The following DNAH9 variants were observed in gnomAD, a reference collection of about 807,000 sequenced individuals.
DNAH9 encodes dynein axonemal heavy chain 9.
In DNAH9, 345 loss-of-function variants were observed where a neutral mutation model predicts 471.6. That is an observed-to-expected ratio of 0.73 (90% CI 0.67 to 0.80). The LOEUF is 0.80. Ranked by LOEUF, DNAH9 falls within the 30% of genes least tolerant of loss-of-function variation. DNAH9 has a pLI of 0.00. For synonymous variants in DNAH9, 2,093 were observed against 2,123.6 expected (o/e 0.99, Z 0.40); for missense variants, 5,407 against 5,609.2 (o/e 0.96, Z 1.15).
intron 45 of DNAH9, among the ~76,000 whole-genome samples, chr17:11,815,818 A>G (rs954263952): frequency 2.0e-5 from 3 of 152,136 alleles, no homozygotes; most frequent in African/African-American, 7.2e-5. Flanking sequence ...ACAAACAAAC[A>G]AAAACACTGT....
At position 11,880,123 on chromosome 17, in the gene DNAH9, G is replaced by A. The variant is rs1272531420; in HGVS notation, c.10524G>A (p.Val3508=). The A allele has an allele frequency of 6.2e-7, 1 of 1,614,024 alleles. No homozygotes were observed. Among genetic ancestry groups the A allele is most frequent in the Non-Finnish European group, 8.5e-7 (1 of 1,179,944 alleles). The change falls in exon 54 of 69, where the codon GTG becomes GTA. Residue 3508 remains valine, a synonymous_variant. Coordinates refer to ENST00000262442, the MANE Select transcript of DNAH9 (RefSeq NM_001372.4). ...IEQALEAGAV[V]LIENLEESID... ...AGGCCCTGGAAGCTGGAGCTGTGGT[G>A]CTGATTGAAAATCTAGAGGAGTCCA...
intron 4 of DNAH9, among the ~76,000 whole-genome samples, chr17:11,616,721 T>A (rs1398352399): frequency 6.6e-6 from 1 of 152,312 alleles, no homozygotes; most frequent in South Asian, 2.1e-4. Context: ...CTAGGGTACA[T>A]GTGCACAACG....
chr17:11,747,522 C>G lies in DNAH9; in HGVS notation c.6400-34C>G, dbSNP rs376203955. On this transcript the variant is annotated intron_variant, in intron 31 of 68. Coordinates refer to ENST00000262442, the MANE Select transcript of DNAH9 (RefSeq NM_001372.4). ...AGTTGGGATGCAGGTGAGTCACAGG[C>G]TGGTCCCTCTGGCTGAATTTCCTGC... 1.9e-6 allele frequency: 3 copies of G among 1,577,428 alleles called. No homozygotes were observed. The African/African-American group carries it at 4.0e-5, about 21-fold the overall frequency.
At chr17:11,621,151 T>G (rs1180735690) in intron 6 of DNAH9, among the ~76,000 whole-genome samples, 2 of 152,084 alleles carry the variant, frequency 1.3e-5, no homozygotes, top group African/African-American at 4.8e-5. Context: ...GGCTCTCCCC[T>G]GTAATCCCAG....
At chr17:11,695,214 A>G (rs1304759583) in intron 22 of DNAH9, among the ~76,000 whole-genome samples, 2 of 152,048 alleles carry the variant, frequency 1.3e-5, no homozygotes, top group African/African-American at 4.8e-5. Context: ...AATCCCCATC[A>G]GTATTGCTGC....
intron 9 of DNAH9, 81 bp from the exon 10 acceptor site, chr17:11,640,189 T>C: frequency 1.3e-6 from 1 of 771,970 alleles, no homozygotes; most frequent in Non-Finnish European, 2.2e-6. Context: ...AAAAGTGGAG[T>C]ACTTGGTGGG....
Position 11,752,944 on chromosome 17 carries a change from T to A in DNAH9, c.6722T>A (p.Val2241Asp). 6.3e-7 allele frequency: 1 copy of A among 1,594,990 alleles called. No individual in the cohort carries two copies. Among genetic ancestry groups the A allele is most frequent in the East Asian group, 2.3e-5 (1 of 44,208 alleles). ...ATGTGGATTGAATCCCTGAATACTG[T>A]CATGGATGATAACAAGGTATGAAAT... ...DPMWIESLNT[V>D]MDDNKVLTLA... Residue 2241 changes from valine to aspartate, a missense_variant, in exon 33 of 69, where the codon GTC becomes GAC. Coordinates refer to ENST00000262442, the MANE Select transcript of DNAH9 (RefSeq NM_001372.4).
chr17:11,622,204 T>C (rs531120205), intron 6 of DNAH9, among the ~76,000 whole-genome samples: 224 of 150,396 alleles, frequency 1.5e-3, no homozygotes, highest in Non-Finnish European at 2.7e-3. Flanking sequence ...GAAACTGGAG[T>C]GGGAATTTGC....
intron 45 of DNAH9, among the ~76,000 whole-genome samples, chr17:11,813,805 G>A (rs2150931929): frequency 6.6e-6 from 1 of 152,280 alleles, no homozygotes; most frequent in South Asian, 2.1e-4. Context: ...CAGCATTTCA[G>A]AACCCATCTT....
rs371049893 is a variant in DNAH9, at chr17:11,619,709, G to A, written c.1278G>A (p.Lys426=). ...ACTTCAAAGAGAACCAGGAAGTCAA[G>A]GAATGGGATTTCCAGTCTTCTTTGG... ...HTYFKENQEV[K]EWDFQSSLVF... is the part of the protein sequence containing the mutation. The change falls in exon 6 of 69, where the codon AAG becomes AAA. Residue 426 remains lysine (K), a synonymous_variant. Coordinates refer to ENST00000262442, the MANE Select transcript of DNAH9 (RefSeq NM_001372.4). 2 of 1,613,996 alleles carry A rather than the reference G, an allele frequency of 1.2e-6. No homozygotes were observed. Among genetic ancestry groups the A allele is most frequent in the African/African-American group, 1.3e-5 (1 of 74,900 alleles).
intron 4 of DNAH9, among the ~76,000 whole-genome samples, chr17:11,616,773 TGGG>T (rs2072754857): frequency 6.6e-6 from 1 of 152,170 alleles, no homozygotes; most frequent in Admixed American, 6.5e-5. Flanking sequence ...CACTCATAGG[TGGG>T]AATTGAACAA....
At position 11,608,116 on chromosome 17, in the gene DNAH9, A is replaced by T. The variant is rs756028899; in HGVS notation, c.418-13A>T. 6.4e-7 allele frequency: 1 copy of T among 1,559,288 alleles called. No individual in the cohort carries two copies. The highest frequency in any genetic ancestry group is 2.3e-5 in the East Asian group (1 of 44,014). On this transcript the variant is annotated splice_polypyrimidine_tract_variant and intron_variant, in intron 1 of 68. Transcript: ENST00000262442. ...GAACACCTGCCTTTCTTTCCTGTGC[A>T]CCTCTGTTCCAGGTTGTTCTACCCG...
intron 28 of DNAH9, among the ~76,000 whole-genome samples, chr17:11,732,368 T>C (rs937494788): frequency 2.0e-5 from 3 of 152,070 alleles, no homozygotes; most frequent in Non-Finnish European, 4.4e-5. Context: ...TGAAATCGAA[T>C]ACCCATCCAA....
chr17:11,643,409 C>G (rs1011667089), intron 10 of DNAH9, among the ~76,000 whole-genome samples: 5 of 151,980 alleles, frequency 3.3e-5, no homozygotes, highest in African/African-American at 1.2e-4. Context: ...AGATGGATTT[C>G]AGAAAAGGGG....
chr17:11,763,268 C>T (rs189108285), intron 35 of DNAH9, among the ~76,000 whole-genome samples, 172 bp from the exon 36 acceptor site: 3 of 152,086 alleles, frequency 2.0e-5, no homozygotes, highest in Non-Finnish European at 2.9e-5. Flanking sequence ...GAAGCTGGCG[C>T]GAGAACAGCT....
At chr17:11,960,517 A>C (rs1031768896) in intron 67 of DNAH9, among the ~76,000 whole-genome samples, 7 of 145,526 alleles carry the variant, frequency 4.8e-5, no homozygotes, top group African/African-American at 1.8e-4. Flanking sequence ...AATTCTGGAG[A>C]TTGAGGTGGG....
rs149426186 is a variant in DNAH9, at chr17:11,693,922, G to T, written c.4669G>T (p.Ala1557Ser). Residue 1557 changes from alanine to serine, a missense_variant, in exon 21 of 69, where the codon GCC becomes TCC. Physicochemically the swap from Ala to Ser is moderately conservative, Grantham distance 99. Around this residue, in one of 3 missense-constraint regions of DNAH9, gnomAD observed 4,636 missense variants for 4,900.3 expected, o/e 0.95. Coordinates refer to ENST00000262442, the MANE Select transcript of DNAH9 (RefSeq NM_001372.4). ...TGACTTTAAAGAGCTAGCTTATGAT[G>T]CCCAGAAAATTCCAAATGTAGTGCA... The part of the protein sequence containing the change: ...DIDFKELAYD[A>S]QKIPNVVQTT... 7.3e-4 allele frequency: 1,186 copies of T among 1,614,098 alleles called. 13 individuals are homozygous for T. The African/African-American group carries it at 0.014, about 18-fold the overall frequency.
chr17:11,847,044 G>T (rs983788722), intron 49 of DNAH9, among the ~76,000 whole-genome samples: 1 of 152,028 alleles, frequency 6.6e-6, no homozygotes, highest in Non-Finnish European at 1.5e-5. Context: ...ACACTATGTT[G>T]AATAGGATTT....
chr17:11,652,721 G>A, intron 13 of DNAH9, 40 bp from the exon 14 acceptor site: 1 of 1,601,066 alleles, frequency 6.2e-7, no homozygotes, highest in African/African-American at 1.3e-5. Context: ...CTATGCCACT[G>A]CAGGCTATTT....
Sources: gnomAD v4.1 joint callset for allele counts (sites outside exome capture counted in the v4.1 genomes callset) on GRCh38, gnomAD v4.1.1 for gene constraint, gnomAD v4.1.1 regional missense constraint, MANE v1.5 for transcripts, NCBI Gene and HGNC (gene_info 2026-07-23, HGNC 2026-07-21) for gene names.